The following SLC2A13 variants were observed in gnomAD, a reference collection of about 807,000 sequenced individuals.
The protein encoded by SLC2A13 is proton myo-inositol cotransporter.
A neutral mutation model predicts 64.4 loss-of-function variants in SLC2A13; 32 were observed. The ratio of observed to expected loss-of-function variants is 0.50; its 90% CI spans 0.37 to 0.67. The LOEUF (loss-of-function observed/expected upper bound fraction) is 0.67, where lower values mean the gene tolerates loss of function less well. Among genes scored for constraint, SLC2A13 ranks in the 30% least tolerant of loss-of-function variants. The probability of loss-of-function intolerance (pLI) is 0.00; values close to 1 mark genes in which losing one functional copy is unlikely to be tolerated. For missense variants in SLC2A13, 743 were observed against 829.2 expected (o/e 0.90, Z 1.28); for synonymous variants, 338 against 327.1 (o/e 1.03, Z -0.36).
chr12:39,839,362 A>T (rs979950588), intron 6 of SLC2A13, among the ~76,000 whole-genome samples: 1 of 151,900 alleles, frequency 6.6e-6, no homozygotes, highest in African/African-American at 2.4e-5. Context: ...AACTCATGAG[A>T]ATAAAAAAAA....
intron 4 of SLC2A13, among the ~76,000 whole-genome samples, chr12:39,923,433 T>C (rs887919824): frequency 2.6e-5 from 4 of 152,032 alleles, no homozygotes; most frequent in African/African-American, 9.7e-5. Flanking sequence ...TCCACTTACA[T>C]AAAGTATCTA....
chr12:39,968,032 T>C (rs1386823338), intron 3 of SLC2A13, among the ~76,000 whole-genome samples: 2 of 152,326 alleles, frequency 1.3e-5, no homozygotes, highest in East Asian at 3.9e-4. Flanking sequence ...AGCCATCTGA[T>C]ACAAATTCCT....
chr12:39,835,502 G>C (rs986614940), intron 6 of SLC2A13, among the ~76,000 whole-genome samples: 2 of 152,066 alleles, frequency 1.3e-5, no homozygotes, highest in Non-Finnish European at 2.9e-5. Context: ...CTTTATAAAA[G>C]GAATTGCGGA....
intron 2 of SLC2A13, among the ~76,000 whole-genome samples, chr12:40,029,321 C>T (rs1947869901): frequency 6.6e-6 from 1 of 152,104 alleles, no homozygotes; most frequent in East Asian, 1.9e-4. Context: ...TCTTTTTGAA[C>T]CAAAGGGGCT....
intron 4 of SLC2A13, among the ~76,000 whole-genome samples, chr12:39,895,156 A>C (rs1376871779): frequency 1.3e-5 from 2 of 151,968 alleles, no homozygotes; most frequent in Non-Finnish European, 2.9e-5. Context: ...GGTGCATATC[A>C]CTGTGCCCAG....
intron 6 of SLC2A13, among the ~76,000 whole-genome samples, chr12:39,838,730 C>T (rs1333535780): frequency 6.6e-6 from 1 of 151,978 alleles, no homozygotes; most frequent in Admixed American, 6.6e-5. Context: ...AGGGTCTTGG[C>T]CAAATGTGCT....
chr12:39,859,331 CTG>C (rs1943693993), intron 6 of SLC2A13, among the ~76,000 whole-genome samples: 1 of 36,422 alleles, frequency 2.7e-5, no homozygotes, highest in African/African-American at 1.3e-4. Context: ...TTTTTTTTTT[CTG>C]AAAAAAAAAA....
At chr12:40,064,134 A>G (rs1482037051) in intron 1 of SLC2A13, among the ~76,000 whole-genome samples, 1 of 152,048 alleles carries the variant, frequency 6.6e-6, no homozygotes, top group Non-Finnish European at 1.5e-5. Context: ...GATCCCAGCT[A>G]CTCAGGCAGC....
intron 3 of SLC2A13, among the ~76,000 whole-genome samples, chr12:39,987,352 A>G (rs1947049222): frequency 1.3e-5 from 2 of 152,200 alleles, no homozygotes; most frequent in African/African-American, 2.4e-5. Context: ...CCAAATTCAT[A>G]TCTCCAAATT....
At chr12:39,978,374 C>T (rs951788974) in intron 3 of SLC2A13, among the ~76,000 whole-genome samples, 6 of 152,180 alleles carry the variant, frequency 3.9e-5, no homozygotes, top group Non-Finnish European at 5.9e-5. Flanking sequence ...GTAAGCGATG[C>T]AGAAGACGGG....
intron 3 of SLC2A13, among the ~76,000 whole-genome samples, chr12:39,967,679 A>AAAAAGT (rs1367487182): frequency 6.6e-6 from 1 of 152,210 alleles, no homozygotes; most frequent in African/African-American, 2.4e-5. Context: ...GCACTTTTCT[A>AAAAAGT]AAAAGTACTA....
chr12:39,971,460 G>A (rs1946644740), intron 3 of SLC2A13, among the ~76,000 whole-genome samples: 1 of 152,134 alleles, frequency 6.6e-6, no homozygotes, highest in African/African-American at 2.4e-5. Flanking sequence ...CTGGCAAAAA[G>A]TACAAGAGTT....
intron 4 of SLC2A13, among the ~76,000 whole-genome samples, chr12:39,928,838 A>AT (rs1486840942): frequency 2.0e-5 from 3 of 152,232 alleles, no homozygotes; most frequent in African/African-American, 7.2e-5. Flanking sequence ...AAGCAGGATG[A>AT]TTTGTATGAC....
At chr12:39,870,731 T>C (rs1458859603) in intron 5 of SLC2A13, among the ~76,000 whole-genome samples, 2 of 152,198 alleles carry the variant, frequency 1.3e-5, no homozygotes, top group African/African-American at 4.8e-5. Flanking sequence ...CCAGCACTGA[T>C]ACTGCAGTTC....
chr12:40,050,292 GC>G (rs1227219555), intron 1 of SLC2A13, among the ~76,000 whole-genome samples: 1 of 152,108 alleles, frequency 6.6e-6, no homozygotes, highest in Admixed American at 6.6e-5. Flanking sequence ...TAGCCATGTA[GC>G]CCCAGATTTG....
At chr12:39,879,140 G>A (rs1261375046) in intron 4 of SLC2A13, among the ~76,000 whole-genome samples, 1 of 152,268 alleles carries the variant, frequency 6.6e-6, no homozygotes, top group African/African-American at 2.4e-5. Context: ...AGAATGCTTG[G>A]CAGCCTCTGC....
chr12:39,833,573 T>C (rs1305733767), intron 6 of SLC2A13, among the ~76,000 whole-genome samples: 1 of 152,056 alleles, frequency 6.6e-6, no homozygotes, highest in Non-Finnish European at 1.5e-5. Context: ...TTTGGCTCTT[T>C]CTGAACACTT....
At chr12:39,780,823 C>G (rs986879962) in intron 7 of SLC2A13, among the ~76,000 whole-genome samples, 1 of 152,164 alleles carries the variant, frequency 6.6e-6, no homozygotes, top group Non-Finnish European at 1.5e-5. Flanking sequence ...ACAGTCATGA[C>G]AGTAAGGAAC....
chr12:40,060,531 C>T (rs1299102817), intron 1 of SLC2A13, among the ~76,000 whole-genome samples: 1 of 151,982 alleles, frequency 6.6e-6, no homozygotes. Context: ...GTTTTAAATA[C>T]AAAAGTAGGA....
Sources: gnomAD v4.1 joint callset for allele counts (sites outside exome capture counted in the v4.1 genomes callset) on GRCh38, gnomAD v4.1.1 for gene constraint, MANE v1.5 for transcripts, NCBI Gene and HGNC (gene_info 2026-07-23, HGNC 2026-07-21) for gene names.